The following CC2D1B variants were observed in gnomAD, a reference collection of about 807,000 sequenced individuals.
CC2D1B encodes coiled-coil and C2 domain-containing protein 1B.
In CC2D1B, 92 loss-of-function variants were observed where a neutral mutation model predicts 110.8. The ratio of observed to expected loss-of-function variants is 0.83; its 90% CI spans 0.70 to 0.99. CC2D1B has a LOEUF of 0.99. Among genes scored for constraint, CC2D1B ranks in the 50% least tolerant of loss-of-function variants. CC2D1B has a pLI of 0.00. For synonymous variants in CC2D1B, 406 were observed against 429.2 expected, an observed-to-expected ratio of 0.95 and a Z score of 0.67; for missense variants, 1,136 against 1,089.0, an observed-to-expected ratio of 1.04 and a Z score of -0.61.
At chr1:52,361,799 T>G (rs1208286805) in intron 3 of CC2D1B, among the ~76,000 whole-genome samples, 183 bp from the exon 4 acceptor site, 1 of 152,118 alleles carries the variant, frequency 6.6e-6, no homozygotes, top group East Asian at 1.9e-4. Flanking sequence ...AAACCTTCCT[T>G]GGCCCCCCAC....
intron 15 of CC2D1B, 154 bp from the exon 16 acceptor site, chr1:52,357,280 C>T: frequency 1.0e-6 from 1 of 997,448 alleles, no homozygotes; most frequent in African/African-American, 1.6e-5. Flanking sequence ...CAAAATAACA[C>T]TCTTGCCTCC....
At chr1:52,365,985 GC>G (rs1395475637) in intron 1 of CC2D1B, 83 bp downstream of exon 1, 3 of 152,616 alleles carry the variant, frequency 2.0e-5, no homozygotes, top group Non-Finnish European at 2.9e-5. Flanking sequence ...TGCGGGACGC[GC>G]CGCCCTGCCC....
Position 52,362,623 on chromosome 1 carries a change from T to G in CC2D1B, c.193A>C (p.Lys65Gln). Reference protein sequence around the residue: ...LTGEAQTTGKKPAPKGQAPLP... With the variant: ...LTGEAQTTGKQPAPKGQAPLP... Reference sequence around the variant, plus strand: ...TCACCCTGCCCCTTGGGTGCTGGCTTCTTGCCTGTGGTTTGTGCTTCCCCT... The same window carrying G: ...TCACCCTGCCCCTTGGGTGCTGGCTGCTTGCCTGTGGTTTGTGCTTCCCCT... Residue 65 changes from lysine to glutamine, a missense_variant, in exon 3 of 25, where the codon AAG (lysine) becomes CAG (glutamine). Physicochemically the swap from Lys to Gln is moderately conservative, Grantham distance 53. Coordinates refer to ENST00000284376, the MANE Select transcript of CC2D1B (RefSeq NM_001330585.2). 1 of 1,614,094 alleles carries G rather than the reference T, an allele frequency of 6.2e-7. No individual in the cohort carries two copies.
intron 4 of CC2D1B, 44 bp downstream of exon 4, chr1:52,361,469 C>T (rs1367736785): frequency 1.2e-6 from 2 of 1,611,352 alleles, no homozygotes; most frequent in Non-Finnish European, 8.5e-7. Flanking sequence ...CCACCAGGCC[C>T]AAGCTTGCCT....
rs1569852542 is a variant in CC2D1B, at chr1:52,359,064, T to C, written c.1220A>G (p.Asp407Gly). The C allele has an allele frequency of 6.2e-7, 1 of 1,608,394 alleles. No homozygotes were observed. Among genetic ancestry groups the C allele is most frequent in the Non-Finnish European group, 8.5e-7 (1 of 1,180,000 alleles). Residue 407 changes from aspartate to glycine, a missense_variant, in exon 11 of 25, where the codon GAC (aspartate) becomes GGC (glycine). Transcript: ENST00000284376. ...EAGIQARSGGDERKARMHERI... is the reference protein window; with the variant it reads ...EAGIQARSGGGERKARMHERI... The stretch of plus-strand genomic sequence containing the variant: ...CTCATGCATCCGAGCCTTGCGCTCG[T>C]CCCCACCACTCCGGGCCTGGATGCC...
At chr1:52,358,291 A>G (rs1646698237) in intron 13 of CC2D1B, 40 bp downstream of exon 13, 1 of 1,599,220 alleles carries the variant, frequency 6.3e-7, no homozygotes, top group Non-Finnish European at 8.5e-7. Context: ...CTCACCTGCT[A>G]TTCTCCCCAC....
At position 52,355,771 on chromosome 1, in the gene CC2D1B, C is replaced by T. The variant is rs776185734; in HGVS notation, c.2128G>A (p.Gly710Arg). 5 of 1,613,954 alleles carry T rather than the reference C, an allele frequency of 3.1e-6. No individual in the cohort carries two copies. The highest frequency in any genetic ancestry group is 4.5e-5 in the East Asian group (2 of 44,898). Residue 710 changes from glycine to arginine, a missense_variant and splice_region_variant, in exon 19 of 25, where the codon GGG becomes AGG. Gly to Arg is a moderately radical substitution (Grantham distance 125). Coordinates refer to ENST00000284376, the MANE Select transcript of CC2D1B (RefSeq NM_001330585.2). ...GGAGTAGGGGCGGCCCTAGGGTTAC[C>T]TGGAGGGGCTGGGAGGTTCATTCCC... is the stretch of plus-strand genomic sequence containing the variant. Reference protein sequence around the residue: ...VRGMNLPAPPGVTPDDLDAFV... With the variant: ...VRGMNLPAPPRVTPDDLDAFV...
rs771636793 is a variant in CC2D1B, at chr1:52,357,124, C to T, written c.1755G>A (p.Val585=). 1 of 1,613,962 alleles carries T rather than the reference C, an allele frequency of 6.2e-7. No individual in the cohort carries two copies. The highest frequency in any genetic ancestry group is 8.5e-7 in the Non-Finnish European group (1 of 1,179,956). Residue 585 remains valine, a splice_region_variant and synonymous_variant, in exon 16 of 25, where the codon GTG becomes GTA. Coordinates refer to ENST00000284376, the MANE Select transcript of CC2D1B (RefSeq NM_001330585.2). ...RSGRPVDLSK[V]PSPLTDEEGD... is the part of the protein sequence containing the mutation. ...CCTCCTCATCCGTCAAGGGCGAAGG[C>T]ACCTACCCAGGTCACAAGGCCCCTC... is the stretch of plus-strand genomic sequence containing the variant.
At chr1:52,360,710 G>A (rs1273257224) in intron 5 of CC2D1B, 161 bp from the exon 6 acceptor site, 5 of 1,149,954 alleles carry the variant, frequency 4.3e-6, no homozygotes, top group Non-Finnish European at 3.6e-6. Context: ...GGAGAGGCCA[G>A]AGGCCATGGC....
chr1:52,361,932 C>T (rs1646790281), intron 3 of CC2D1B, among the ~76,000 whole-genome samples: 1 of 152,250 alleles, frequency 6.6e-6, no homozygotes, highest in African/African-American at 2.4e-5. Flanking sequence ...CAAAGTCCAA[C>T]AGAGCTTCAA....
At chr1:52,364,475 TG>T (rs1212944295) in intron 2 of CC2D1B, 76 bp downstream of exon 2, 26 of 883,668 alleles carry the variant, frequency 2.9e-5, no homozygotes, top group Non-Finnish European at 4.5e-5. Context: ...GAACTACATG[TG>T]ATCCAGTTTG....
rs1646783007 is a variant in CC2D1B at position 52,361,559 on chromosome 1, TC to T, written c.271del (p.Glu91ArgfsTer16). On this transcript the variant is annotated frameshift_variant, in exon 4 of 25. Coordinates refer to ENST00000284376, the MANE Select transcript of CC2D1B (RefSeq NM_001330585.2). LOFTEE classifies it high-confidence loss of function. The stretch of plus-strand genomic sequence containing the variant: ...CAGCCCTTCCTCCTCCTCCTCCTCC[TC>T]CACATCCCGCATACAGTCTGCCGCC... Reference protein sequence around the residue: ...KLAADCMRDVEEEEEEEGLEE... With the variant: ...KLAADCMRDVXEEEEEEGLEE... The T allele has an allele frequency of 1.2e-6, 2 of 1,613,506 alleles. No individual in the cohort carries two copies. Among genetic ancestry groups the T allele is most frequent in the African/African-American group, 2.7e-5 (2 of 74,814 alleles).
At position 52,360,278 on chromosome 1, in the gene CC2D1B, C is replaced by A. The variant is rs1207971322; in HGVS notation, c.604-45G>T. 3 of 1,609,790 alleles carry A rather than the reference C, an allele frequency of 1.9e-6. No homozygotes were observed. The East Asian group carries it at 6.7e-5, about 36-fold the overall frequency. On this transcript the variant is annotated intron_variant, in intron 6 of 24. Coordinates refer to ENST00000284376, the MANE Select transcript of CC2D1B (RefSeq NM_001330585.2). The stretch of plus-strand genomic sequence containing the variant: ...CAGAAACCCAGCCAGCCATCTCAGC[C>A]CAGACCCTGCTCCAAGACAGGCCAG...
At chr1:52,361,657 A>G in intron 3 of CC2D1B, 41 bp from the exon 4 acceptor site, 1 of 1,611,532 alleles carries the variant, frequency 6.2e-7, no homozygotes, top group Non-Finnish European at 8.5e-7. Context: ...CAACTCAGAT[A>G]AGTTCAGGGA....
rs1414554188 is a variant in CC2D1B at position 52,361,521 on chromosome 1, C to G, written c.310G>C (p.Glu104Gln). 2 of 1,613,944 alleles carry G rather than the reference C, an allele frequency of 1.2e-6. No individual in the cohort carries two copies. The highest frequency in any genetic ancestry group is 2.7e-5 in the African/African-American group (2 of 74,924). The change falls in exon 4 of 25, where the codon GAG (glutamate) becomes CAG (glutamine). Residue 104 changes from glutamate (E) to glutamine (Q), a missense_variant. Glu to Gln is a conservative substitution (Grantham distance 29). Transcript: ENST00000284376. ...EEEEGLEEDAELLTELQEVLG... is the reference protein window; with the variant it reads ...EEEEGLEEDAQLLTELQEVLG... The stretch of plus-strand genomic sequence containing the variant: ...CAGCCTGGCAGACACACCAGCAGCT[C>G]TGCATCTTCCTCCAGCCCTTCCTCC...
intron 7 of CC2D1B, 80 bp from the exon 8 acceptor site, chr1:52,359,963 T>C: frequency 6.4e-7 from 1 of 1,553,602 alleles, no homozygotes; most frequent in African/African-American, 1.4e-5. Flanking sequence ...GGCTTGAGGA[T>C]GTCCTGGGGA....
rs755296080 is a variant in CC2D1B at position 52,361,102 on chromosome 1, C to T, written c.349G>A (p.Glu117Lys). The change falls in exon 5 of 25, where the codon GAG becomes AAG. Residue 117 changes from glutamate to lysine, a missense_variant. By Grantham distance (56) the Glu-to-Lys change is moderately conservative. Coordinates refer to ENST00000284376, the MANE Select transcript of CC2D1B (RefSeq NM_001330585.2). ...TCACCATCCAGGGGCTCAGTCTCCT[C>T]GTCCACACCTAAGACCTCCTGCAGC... ...TELQEVLGVD[E>K]ETEPLDGDEV... The T allele has an allele frequency of 2.0e-5, 32 of 1,613,972 alleles. No individual in the cohort carries two copies. Among genetic ancestry groups the T allele is most frequent in the South Asian group, 1.2e-4 (11 of 91,084 alleles).
intron 11 of CC2D1B, 123 bp downstream of exon 11, chr1:52,358,904 C>T: frequency 6.8e-6 from 10 of 1,468,790 alleles, no homozygotes; most frequent in Non-Finnish European, 9.3e-6. Flanking sequence ...GCAGCAAGAG[C>T]CCCAGAGAGA....
chr1:52,353,201 C>T lies in CC2D1B; in HGVS notation c.*24G>A, dbSNP rs967928465. On this transcript the variant is annotated 3_prime_UTR_variant, in exon 25 of 25. Transcript: ENST00000284376. ...TCTCCTGCACAGTCGCGGCCTGACTCCTCTCCTGGTGCTGGCCATCGGCTA... is the reference window on the plus strand; with the variant it reads ...TCTCCTGCACAGTCGCGGCCTGACTTCTCTCCTGGTGCTGGCCATCGGCTA... The T allele has an allele frequency of 4.5e-6, 6 of 1,343,158 alleles. No homozygotes were observed. Among genetic ancestry groups the T allele is most frequent in the Non-Finnish European group, 5.9e-6 (6 of 1,015,094 alleles). 83.2% of individuals were successfully genotyped at this position (1,343,158 alleles called of 1,614,324 possible). A position where few individuals can be genotyped will look rare whatever the true frequency, so the allele number is the denominator to read the frequency against.
Sources: gnomAD v4.1 joint callset for allele counts (sites outside exome capture counted in the v4.1 genomes callset) on GRCh38, gnomAD v4.1.1 for gene constraint, MANE v1.5 for transcripts, NCBI Gene and HGNC (gene_info 2026-07-23, HGNC 2026-07-21) for gene names.